Variants in SEMA6D observed in about 807,000 individuals in gnomAD.
The protein encoded by SEMA6D is semaphorin-6D.
SEMA6D carries 35 observed loss-of-function variants against 106.6 expected under a neutral mutation model. The ratio of observed to expected loss-of-function variants is 0.33; its 90% CI spans 0.25 to 0.44. The LOEUF (loss-of-function observed/expected upper bound fraction) is 0.44. Ranked by LOEUF, SEMA6D falls within the 20% of genes least tolerant of loss-of-function variation. The pLI is 1.00. For synonymous variants in SEMA6D, 499 were observed against 487.7 expected, an observed-to-expected ratio of 1.02 and a Z score of -0.31; for missense variants, 1,185 against 1,345.9, an observed-to-expected ratio of 0.88 and a Z score of 1.87.
intron 1 of SEMA6D, among the ~76,000 whole-genome samples, chr15:47,741,791 A>C (rs543715234): frequency 2.4e-4 from 36 of 152,286 alleles, no homozygotes; most frequent in African/African-American, 8.2e-4. Flanking sequence ...CAGACATGTG[A>C]AATATTTTCT....
chr15:47,548,733 A>C (rs533903536), intron 3 of SEMA6D, among the ~76,000 whole-genome samples: 1 of 152,270 alleles, frequency 6.6e-6, no homozygotes, highest in South Asian at 2.1e-4. Context: ...ACATATATAC[A>C]CACATACACA....
rs543819724 is a variant in SEMA6D at position 47,465,139 on chromosome 15, C to T, written c.-158-5335C>T. ...AGTAGGTACTCGATAAACACAAGAT[C>T]GTCTTCTGTCTTGTACTCACAGTGC... is the stretch of plus-strand genomic sequence containing the variant. On this transcript the variant is annotated intron_variant, in intron 2 of 19. Coordinates refer to the SEMA6D transcript ENST00000558014. Among the ~76,000 whole-genome samples, 13 of 152,272 alleles carry T rather than the reference C, an allele frequency of 8.5e-5. No homozygotes were observed. The South Asian group carries it at 2.1e-3, about 24-fold the overall frequency.
At chr15:47,685,545 C>T (rs1284374022) in intron 4 of SEMA6D, among the ~76,000 whole-genome samples, 1 of 152,162 alleles carries the variant, frequency 6.6e-6, no homozygotes, top group African/African-American at 2.4e-5. Flanking sequence ...ATTTATCAAA[C>T]TTTGCCCAGT....
intron 1 of SEMA6D, chr15:47,730,846 G>A (rs973744522): frequency 8.5e-5 from 116 of 1,360,650 alleles, no homozygotes; most frequent in Middle Eastern, 4.8e-4. Context: ...TTGCTCAAAC[G>A]GGATTCACCA....
chr15:47,559,418 T>A (rs907338838), intron 3 of SEMA6D, among the ~76,000 whole-genome samples: 1 of 152,104 alleles, frequency 6.6e-6, no homozygotes, highest in African/African-American at 2.4e-5. Context: ...GTTTGTGGTT[T>A]TCATGCCAGT....
chr15:47,219,154 AAG>A (rs1363271158), intron 1 of SEMA6D, among the ~76,000 whole-genome samples: 4 of 152,172 alleles, frequency 2.6e-5, no homozygotes, highest in Non-Finnish European at 4.4e-5. Flanking sequence ...CATCTTATAG[AAG>A]AATACCTTTT....
At chr15:47,209,021 T>G (rs1394419785) in intron 1 of SEMA6D, among the ~76,000 whole-genome samples, 1 of 151,646 alleles carries the variant, frequency 6.6e-6, no homozygotes, top group African/African-American at 2.4e-5. Flanking sequence ...AGATCTCTCC[T>G]TTTTACTCTT....
At chr15:47,462,198 G>C (rs1179804858) in intron 2 of SEMA6D, among the ~76,000 whole-genome samples, 1 of 151,922 alleles carries the variant, frequency 6.6e-6, no homozygotes, top group Non-Finnish European at 1.5e-5. Flanking sequence ...TTGTTGTCTT[G>C]AACTCTTACT....
At chr15:47,270,611 G>A (rs139544019) in intron 1 of SEMA6D, among the ~76,000 whole-genome samples, 47 of 152,250 alleles carry the variant, frequency 3.1e-4, no homozygotes, top group African/African-American at 1.1e-3. Flanking sequence ...TAACCATGTA[G>A]ACTCTGTAAT....
intron 2 of SEMA6D, among the ~76,000 whole-genome samples, chr15:47,466,080 G>A (rs1224930105): frequency 2.0e-5 from 3 of 152,124 alleles, no homozygotes; most frequent in African/African-American, 4.8e-5. Context: ...ATGATTTGAT[G>A]TACATATATA....
chr15:47,664,771 A>G (rs1024328486), intron 4 of SEMA6D, among the ~76,000 whole-genome samples: 1 of 152,210 alleles, frequency 6.6e-6, no homozygotes, highest in Non-Finnish European at 1.5e-5. Context: ...TCTGATTGCA[A>G]AGTTTTCAAG....
chr15:47,667,826 G>C (rs2078058231), intron 4 of SEMA6D, among the ~76,000 whole-genome samples: 1 of 152,158 alleles, frequency 6.6e-6, no homozygotes, highest in Admixed American at 6.5e-5. Context: ...TAAACATTCA[G>C]TCTATAACAT....
At chr15:47,191,952 T>C (rs1310241311) in intron 1 of SEMA6D, among the ~76,000 whole-genome samples, 2 of 152,156 alleles carry the variant, frequency 1.3e-5, no homozygotes, top group South Asian at 2.1e-4. Context: ...ATCATAGCAC[T>C]CTGGACCAGA....
chr15:47,349,862 A>T (rs2038245945), intron 1 of SEMA6D, among the ~76,000 whole-genome samples: 1 of 152,184 alleles, frequency 6.6e-6, no homozygotes, highest in Non-Finnish European at 1.5e-5. Flanking sequence ...TCATCCATGG[A>T]AGATGAAATA....
chr15:47,296,775 T>C (rs1471954426), intron 1 of SEMA6D, among the ~76,000 whole-genome samples: 1 of 152,142 alleles, frequency 6.6e-6, no homozygotes, highest in Non-Finnish European at 1.5e-5. Context: ...CCAAATATAA[T>C]TTAGGGCCAT....
At chr15:47,707,807 G>A (rs1276179523) in intron 4 of SEMA6D, among the ~76,000 whole-genome samples, 1 of 152,042 alleles carries the variant, frequency 6.6e-6, no homozygotes, top group Non-Finnish European at 1.5e-5. Flanking sequence ...ATCACCTCAT[G>A]GACACCATGC....
At chr15:47,403,341 C>A (rs1361887071) in intron 1 of SEMA6D, among the ~76,000 whole-genome samples, 1 of 152,140 alleles carries the variant, frequency 6.6e-6, no homozygotes, top group African/African-American at 2.4e-5. Context: ...GCCATGCAGA[C>A]ACACATGCAA....
At chr15:47,478,424 A>C in intron 3 of SEMA6D, among the ~76,000 whole-genome samples, 1 of 152,210 alleles carries the variant, frequency 6.6e-6, no homozygotes, top group South Asian at 2.1e-4. Flanking sequence ...GTGTCAACAA[A>C]GGGCAATAAC....
At chr15:47,737,020 C>G (rs2080483706) in intron 1 of SEMA6D, among the ~76,000 whole-genome samples, 1 of 151,982 alleles carries the variant, frequency 6.6e-6, no homozygotes, top group African/African-American at 2.4e-5. Flanking sequence ...ATTGCTGTTG[C>G]TAATTTTATT....
Sources: gnomAD v4.1 joint callset for allele counts (sites outside exome capture counted in the v4.1 genomes callset) on GRCh38, gnomAD v4.1.1 for gene constraint, MANE v1.5 for transcripts, NCBI Gene and HGNC (gene_info 2026-07-23, HGNC 2026-07-21) for gene names.